ST3GAL1: variants seen among roughly 807,000 people sequenced by gnomAD.
ST3GAL1 encodes ST3 beta-galactoside alpha-2,3-sialyltransferase 1, also known as CMP-N-acetylneuraminate-beta-galactosamide-alpha-2,3-sialyltransferase 1.
In ST3GAL1, 16 loss-of-function variants were observed where a neutral mutation model predicts 34.1. That is an observed-to-expected ratio of 0.47 (90% confidence interval 0.32 to 0.71). ST3GAL1 has a LOEUF of 0.71. Among genes scored for constraint, ST3GAL1 ranks in the 30% least tolerant of loss-of-function variants. The probability of loss-of-function intolerance (pLI) is 0.04; values close to 1 mark genes in which losing one functional copy is unlikely to be tolerated. For missense variants in ST3GAL1, 353 were observed against 447.4 expected, an observed-to-expected ratio of 0.79 and a Z score of 1.90; for synonymous variants, 191 against 184.7, an observed-to-expected ratio of 1.03 and a Z score of -0.28.
chr8:133,487,165 T>A (rs185778662), intron 3 of ST3GAL1, among the ~76,000 whole-genome samples: 13 of 152,242 alleles, frequency 8.5e-5, no homozygotes, highest in Non-Finnish European at 1.9e-4. Flanking sequence ...GGTCTCGAAC[T>A]CCTGACCTCG....
intron 2 of ST3GAL1, among the ~76,000 whole-genome samples, chr8:133,533,874 G>A (rs184731153): frequency 2.6e-5 from 4 of 152,326 alleles, no homozygotes; most frequent in Admixed American, 2.6e-4. Context: ...TGATAATGAT[G>A]ATGATGACAT....
chr8:133,542,755 T>C (rs1818567824), intron 2 of ST3GAL1, among the ~76,000 whole-genome samples: 1 of 124,792 alleles, frequency 8.0e-6, no homozygotes, highest in African/African-American at 3.2e-5. Context: ...CATTCCAGCC[T>C]GGGTGAAAGT....
rs1310165784 is a variant in ST3GAL1, at chr8:133,479,773, C to T, written c.-373-3173G>A. On this transcript the variant is annotated intron_variant, in intron 3 of 9. Coordinates refer to ENST00000522652, the MANE Select transcript of ST3GAL1 (RefSeq NM_173344.3). The stretch of plus-strand genomic sequence containing the variant: ...TCCTCTGGGGCATCCTGCAGCCACA[C>T]CTCCAAGGCCAGGGCACTCCCCATA... Among the ~76,000 whole-genome samples, 3 of 152,186 alleles carry T rather than the reference C, an allele frequency of 2.0e-5. No individual in the cohort carries two copies. In the East Asian group the frequency reaches 5.8e-4, roughly 29 times the overall value.
At chr8:133,494,613 A>G (rs948641219) in intron 3 of ST3GAL1, among the ~76,000 whole-genome samples, 3 of 152,130 alleles carry the variant, frequency 2.0e-5, no homozygotes, top group African/African-American at 7.2e-5. Flanking sequence ...GCACACCCAC[A>G]ATGCAATCCA....
At chr8:133,526,274 C>T (rs1451357815) in intron 2 of ST3GAL1, among the ~76,000 whole-genome samples, 2 of 152,202 alleles carry the variant, frequency 1.3e-5, no homozygotes, top group East Asian at 1.9e-4. Context: ...AGCCCCCACC[C>T]TCTGCTATTA....
chr8:133,488,386 C>A (rs962754965), intron 3 of ST3GAL1: 1 of 152,180 alleles, frequency 6.6e-6, no homozygotes, highest in Non-Finnish European at 1.5e-5. Flanking sequence ...GAGATGAATG[C>A]AGGTGGGCCT....
intron 1 of ST3GAL1, among the ~76,000 whole-genome samples, chr8:133,549,427 G>T (rs955047960): frequency 6.6e-6 from 1 of 151,812 alleles, no homozygotes; most frequent in East Asian, 1.9e-4. Context: ...GATATAAGGC[G>T]GTAATCTATG....
chr8:133,475,775 G>A lies in ST3GAL1; in HGVS notation c.250C>T (p.Pro84Ser). The change falls in exon 5 of 10, where the codon CCG (proline) becomes TCG (serine). Residue 84 changes from proline (P) to serine (S), a missense_variant. Physicochemically the swap from Pro to Ser is moderately conservative, Grantham distance 74 (BLOSUM62 -1). Transcript: ENST00000522652. ...AGCGCGTTCTGGGCGGTCAGCAGCG[G>A]CTGCATGGTCTGGTTGAACCTCTCA... ...FDERFNQTMQ[P>S]LLTAQNALLE... 6.2e-7 allele frequency: 1 copy of A among 1,613,364 alleles called. No individual in the cohort carries two copies. The highest frequency in any genetic ancestry group is 8.5e-7 in the Non-Finnish European group (1 of 1,179,602).
chr8:133,509,922 G>T lies in ST3GAL1; in HGVS notation c.-428-10733C>A, dbSNP rs143748566. 4.3e-3 allele frequency among the ~76,000 whole-genome samples: 650 copies of T among 152,200 alleles called. 7 individuals are homozygous for T. The highest frequency in any genetic ancestry group is 0.014 in the African/African-American group (583 of 41,548). ...AAAATACAAAAAATCAGCTGGGCTTGGTGGCACACGCCTGTATTCCCAGCT... is the reference window on the plus strand; with the variant it reads ...AAAATACAAAAAATCAGCTGGGCTTTGTGGCACACGCCTGTATTCCCAGCT... On this transcript the variant is annotated intron_variant, in intron 2 of 9. Transcript: ENST00000522652.
rs1424615123 is a variant in ST3GAL1 at position 133,556,597 on chromosome 8, A to T, written c.-581-10671T>A. ...AAGGCTGCATAACTATGTACTTTCG[A>T]ACAAGATTTTTAGGATGAAGAAACG... On this transcript the variant is annotated intron_variant, in intron 1 of 9. Coordinates refer to ENST00000522652, the MANE Select transcript of ST3GAL1 (RefSeq NM_173344.3). This position sits in a 1 kb window ranked among gnomAD's most constrained non-coding sequence, Gnocchi z 8.9. Among the ~76,000 whole-genome samples, 1 of 152,202 alleles carries T rather than the reference A, an allele frequency of 6.6e-6. No individual in the cohort carries two copies. The highest frequency in any genetic ancestry group is 1.9e-4 in the East Asian group (1 of 5,190).
intron 1 of ST3GAL1, among the ~76,000 whole-genome samples, chr8:133,549,403 CAA>C (rs5895198): frequency 4.1e-4 from 55 of 134,466 alleles, no homozygotes; most frequent in Admixed American, 9.8e-4. Flanking sequence ...ACTCTGTCTC[CAA>C]AAAAAAAAAA....
rs967384764 is a variant in ST3GAL1, at chr8:133,467,177, T to A, written c.307-1087A>T. On this transcript the variant is annotated intron_variant, in intron 5 of 9. Transcript: ENST00000522652. This position sits in a 1 kb window ranked among gnomAD's most constrained non-coding sequence, Gnocchi z 4.2. The stretch of plus-strand genomic sequence containing the variant: ...GTCTTATTCCAGGGTGACTAAATAT[T>A]ACTTATTTGCCCAGGTTAAGGGGTT... 1.3e-5 allele frequency among the ~76,000 whole-genome samples: 2 copies of A among 152,046 alleles called. No homozygotes were observed. Among genetic ancestry groups the A allele is most frequent in the Non-Finnish European group, 2.9e-5 (2 of 68,012 alleles).
In ST3GAL1 at chr8:133,457,370, C is replaced by G. The variant is rs1197223556; in HGVS notation, c.*2394G>C. 6.6e-6 allele frequency: 1 copy of G among 152,230 alleles called. No individual in the cohort carries two copies. The highest frequency in any genetic ancestry group is 1.5e-5 in the Non-Finnish European group (1 of 68,078). 9.4% of individuals were successfully genotyped at this position (152,230 alleles called of 1,614,324 possible). A position where few individuals can be genotyped will look rare whatever the true frequency, so the allele number is the denominator to read the frequency against. On this transcript the variant is annotated 3_prime_UTR_variant, in exon 10 of 10. Transcript: ENST00000522652. ...TGAGCCTGTCATCCCTATATAGACT[C>G]AGCTTTTAGGAGAAGAGGGAGAGTT...
intron 7 of ST3GAL1, among the ~76,000 whole-genome samples, 169 bp from the exon 8 acceptor site, chr8:133,463,628 C>A (rs1173152884): frequency 6.6e-6 from 1 of 152,154 alleles, no homozygotes; most frequent in East Asian, 1.9e-4. Context: ...GGTTTCTGCC[C>A]ACAGCAAGCC....
At chr8:133,561,214 T>C (rs1443273794) in intron 1 of ST3GAL1, among the ~76,000 whole-genome samples, 2 of 148,202 alleles carry the variant, frequency 1.3e-5, no homozygotes, top group Admixed American at 1.4e-4. Context: ...TTTCCTCCCC[T>C]CTGGCCTCTG....
intron 3 of ST3GAL1, among the ~76,000 whole-genome samples, chr8:133,485,398 G>A (rs1316959835): frequency 6.6e-6 from 1 of 152,172 alleles, no homozygotes; most frequent in Non-Finnish European, 1.5e-5. Flanking sequence ...ATTCTGCCCT[G>A]ACTTCCTGAA....
At position 133,505,033 on chromosome 8, in the gene ST3GAL1, G is replaced by A. The variant is rs574395066; in HGVS notation, c.-428-5844C>T. On this transcript the variant is annotated intron_variant, in intron 2 of 9. Coordinates refer to ENST00000522652, the MANE Select transcript of ST3GAL1 (RefSeq NM_173344.3). ...GGGCTAACTCTGCAGACACCTGGGGGTGGTCAATGATGTAGTACATGTGAA... is the reference window on the plus strand; with the variant it reads ...GGGCTAACTCTGCAGACACCTGGGGATGGTCAATGATGTAGTACATGTGAA... Among the ~76,000 whole-genome samples the A allele has an allele frequency of 3.3e-5, 5 of 152,256 alleles. No individual in the cohort carries two copies. The South Asian group carries it at 6.2e-4, about 19-fold the overall frequency.
chr8:133,506,764 G>T (rs988949292), intron 2 of ST3GAL1, among the ~76,000 whole-genome samples: 3 of 150,854 alleles, frequency 2.0e-5, no homozygotes, highest in Admixed American at 2.0e-4. Context: ...CAGCTTGGGG[G>T]ACAAGAGTGA....
chr8:133,566,678 C>A (rs537290491), intron 1 of ST3GAL1, among the ~76,000 whole-genome samples: 6 of 152,202 alleles, frequency 3.9e-5, no homozygotes, highest in Non-Finnish European at 7.3e-5. Flanking sequence ...TGCCATGCCA[C>A]CCTCCCAAAT....
Sources: gnomAD v4.1 joint callset for allele counts (sites outside exome capture counted in the v4.1 genomes callset) on GRCh38, gnomAD v4.1.1 for gene constraint, Gnocchi (gnomAD v3.1) non-coding constraint, MANE v1.5 for transcripts, NCBI Gene and HGNC (gene_info 2026-07-23, HGNC 2026-07-21) for gene names.